The following FAT1 variants were observed in gnomAD, a reference collection of about 807,000 sequenced individuals.
FAT1 encodes the protein FAT atypical cadherin 1.
In FAT1, 171 loss-of-function variants were observed where a neutral mutation model predicts 329.8. The ratio of observed to expected loss-of-function variants is 0.52; its 90% CI spans 0.46 to 0.59. The LOEUF (loss-of-function observed/expected upper bound fraction) is 0.59. Among genes scored for constraint, FAT1 ranks in the 20% least tolerant of loss-of-function variants. The pLI is 0.00. For synonymous variants in FAT1, 2,233 were observed against 2,228.6 expected, an observed-to-expected ratio of 1.00 and a Z score of -0.06; for missense variants, 5,672 against 5,774.4, an observed-to-expected ratio of 0.98 and a Z score of 0.57.
chr4:186,679,743 T>C (rs1743128130), intron 2 of FAT1, among the ~76,000 whole-genome samples: 2 of 152,246 alleles, frequency 1.3e-5, no homozygotes, highest in Admixed American at 1.3e-4. Context: ...AAGATGATTT[T>C]TGAAAAATGA....
At position 186,598,014 on chromosome 4, in the gene FAT1, C is replaced by G. The variant is rs367812758; in HGVS notation, c.12215G>C (p.Gly4072Ala). The G allele has an allele frequency of 1.9e-6, 3 of 1,613,482 alleles. No homozygotes were observed. The highest frequency in any genetic ancestry group is 2.5e-6 in the Non-Finnish European group (3 of 1,179,790). The change falls in exon 23 of 27, where the codon GGA becomes GCA. Residue 4072 changes from glycine to alanine, a missense_variant. Physicochemically the swap from Gly to Ala is moderately conservative, Grantham distance 60. This residue lies in a region of FAT1 where 1,706 missense variants were observed against 1,859.1 expected (regional missense o/e 0.92). Transcript: ENST00000441802. ...TCCTCTACACTGGCAAACAAAGCCTCCGTTGTCGACAACACACGTGCCCCC... is the reference window on the plus strand; with the variant it reads ...TCCTCTACACTGGCAAACAAAGCCTGCGTTGTCGACAACACACGTGCCCCC... ...LYGGTCVVDN[G>A]GFVCQCRGLY...
At chr4:186,651,158 T>G (rs1267671791) in intron 3 of FAT1, among the ~76,000 whole-genome samples, 2 of 142,122 alleles carry the variant, frequency 1.4e-5, no homozygotes, top group African/African-American at 5.1e-5. Flanking sequence ...AATAATAAAT[T>G]TATTAATAAT....
intron 5 of FAT1, 91 bp from the exon 6 acceptor site, chr4:186,636,326 T>G (rs1184229508): frequency 1.7e-6 from 2 of 1,196,854 alleles, no homozygotes; most frequent in Non-Finnish European, 2.4e-6. Context: ...GGTCTTAAAC[T>G]GAGCCAATTT....
chr4:186,703,279 C>T (rs1404670899), intron 2 of FAT1, among the ~76,000 whole-genome samples: 2 of 152,134 alleles, frequency 1.3e-5, no homozygotes, highest in Non-Finnish European at 2.9e-5. Flanking sequence ...CAGGACTGTC[C>T]GTTTGGTGAC....
chr4:186,633,965 A>G, intron 6 of FAT1, 142 bp from the exon 7 acceptor site: 1 of 830,348 alleles, frequency 1.2e-6, no homozygotes, highest in East Asian at 2.7e-5. Context: ...TTTGAAAGAA[A>G]AGAGTGGCCA....
chr4:186,723,923 G>A (rs1745600533), upstream of FAT1: 1 of 151,012 alleles, frequency 6.6e-6, no homozygotes, highest in African/African-American at 2.4e-5. Flanking sequence ...TCTCGGGCGC[G>A]GAAACTCGAG....
intron 2 of FAT1, among the ~76,000 whole-genome samples, chr4:186,703,912 C>T (rs549269736): frequency 3.6e-4 from 55 of 152,332 alleles, no homozygotes; most frequent in Admixed American, 1.9e-3. Flanking sequence ...ACAAAATATA[C>T]TGATTTTTCC....
At chr4:186,680,205 T>A (rs459796) in intron 2 of FAT1, among the ~76,000 whole-genome samples, 118,487 of 152,132 alleles carry the variant, frequency 0.78, 46,916 homozygotes, top group African/African-American at 0.82. Context: ...TTAATTATTG[T>A]CCTTAAAAAA....
chr4:186,718,999 A>G (rs1365372963), intron 1 of FAT1, among the ~76,000 whole-genome samples: 1 of 152,178 alleles, frequency 6.6e-6, no homozygotes, highest in Non-Finnish European at 1.5e-5. Flanking sequence ...TCGGTCACAG[A>G]GTCCCCCAAA....
intron 11 of FAT1, among the ~76,000 whole-genome samples, chr4:186,616,383 A>C (rs1739710677): frequency 6.7e-6 from 1 of 148,172 alleles, no homozygotes; most frequent in African/African-American, 2.5e-5. Flanking sequence ...CCCTCCTCAC[A>C]CTCCATGGCC....
intron 3 of FAT1, among the ~76,000 whole-genome samples, chr4:186,649,719 C>G (rs971266421): frequency 3.9e-5 from 6 of 152,092 alleles, no homozygotes; most frequent in African/African-American, 1.4e-4. Flanking sequence ...AAACTCCTGG[C>G]CTCCAGAACC....
intron 3 of FAT1, among the ~76,000 whole-genome samples, chr4:186,660,679 C>T (rs1742126260): frequency 6.6e-6 from 1 of 152,208 alleles, no homozygotes; most frequent in African/African-American, 2.4e-5. Context: ...AAGACAACAG[C>T]ACAGACATCT....
chr4:186,700,617 G>A (rs1467760384), intron 2 of FAT1, among the ~76,000 whole-genome samples: 2 of 151,974 alleles, frequency 1.3e-5, no homozygotes, highest in African/African-American at 4.8e-5. Context: ...TTCACTAGTC[G>A]TTTTTGAACA....
At chr4:186,706,210 G>T (rs141325878) in intron 2 of FAT1, among the ~76,000 whole-genome samples, 18 of 152,256 alleles carry the variant, frequency 1.2e-4, no homozygotes, top group African/African-American at 3.8e-4. Context: ...ACTGAAAAAA[G>T]TTGGAAAGAC....
chr4:186,676,498 C>T (rs1742965345), intron 2 of FAT1, among the ~76,000 whole-genome samples: 1 of 152,126 alleles, frequency 6.6e-6, no homozygotes, highest in Non-Finnish European at 1.5e-5. Context: ...GTAAAAGCAA[C>T]CTTTAAAAGT....
intron 1 of FAT1, among the ~76,000 whole-genome samples, chr4:186,722,355 A>T (rs1449265634): frequency 6.6e-6 from 1 of 152,272 alleles, no homozygotes; most frequent in African/African-American, 2.4e-5. Context: ...AAATGGTTAT[A>T]CAAATGCAAA....
chr4:186,592,379 G>T (rs1738278404), intron 26 of FAT1, among the ~76,000 whole-genome samples: 1 of 152,140 alleles, frequency 6.6e-6, no homozygotes, highest in South Asian at 2.1e-4. Flanking sequence ...ATACGAAGAA[G>T]AATTTTTGTT....
chr4:186,616,499 C>T (rs532942338), intron 11 of FAT1, among the ~76,000 whole-genome samples: 6 of 152,238 alleles, frequency 3.9e-5, no homozygotes, highest in East Asian at 1.9e-4. Context: ...CACCCCTGCT[C>T]GAGCCACATG....
intron 2 of FAT1, among the ~76,000 whole-genome samples, chr4:186,672,488 C>T (rs1742774711): frequency 6.6e-6 from 1 of 152,132 alleles, no homozygotes; most frequent in African/African-American, 2.4e-5. Flanking sequence ...CAGTGATGTG[C>T]CATGAGTGCC....
Sources: allele counts gnomAD v4.1 joint callset (sites outside exome capture counted in the v4.1 genomes callset), GRCh38; gene constraint gnomAD v4.1.1; regional missense constraint gnomAD v4.1.1; transcripts MANE v1.5; gene names NCBI Gene and HGNC (gene_info 2026-07-23, HGNC 2026-07-21).